The following ADAM9 variants were observed in gnomAD, a reference collection of about 807,000 sequenced individuals.
The protein encoded by ADAM9 is ADAM metallopeptidase domain 9.
Under a neutral mutation model 108.1 loss-of-function variants are expected in ADAM9, and 54 were observed. The observed-to-expected ratio is 0.50, with a 90% CI of 0.40 to 0.63. The LOEUF (loss-of-function observed/expected upper bound fraction) is 0.63, where lower values mean the gene tolerates loss of function less well. ADAM9 is among the 20% of genes least tolerant of loss of function. The pLI is 0.00. For missense variants in ADAM9, 830 were observed against 997.7 expected, an observed-to-expected ratio of 0.83 and a Z score of 2.26; for synonymous variants, 316 against 336.0, an observed-to-expected ratio of 0.94 and a Z score of 0.65.
chr8:39,018,609 T>C (rs888336314), intron 6 of ADAM9: 2 of 511,926 alleles, frequency 3.9e-6, no homozygotes, highest in African/African-American at 3.8e-5. Context: ...TTCAAAAACA[T>C]TTTTTTCCCC....
chr8:39,018,518 G>A (rs140458730), intron 6 of ADAM9: 15 of 284,518 alleles, frequency 5.3e-5, no homozygotes, highest in African/African-American at 3.3e-4. Context: ...TTAGAAAATT[G>A]GTAATTCTGC....
In ADAM9 at chr8:39,018,839, T is replaced by C; in HGVS notation, c.607-14T>C. The C allele has an allele frequency of 6.2e-7, 1 of 1,613,746 alleles. No homozygotes were observed. The highest frequency in any genetic ancestry group is 8.5e-7 in the Non-Finnish European group (1 of 1,179,656). ...AACTTCCTTTTGCCTTTATGATGTT[T>C]GTGTTTTTGACAGAGAAGAAGAGCT... On this transcript the variant is annotated splice_polypyrimidine_tract_variant and intron_variant, in intron 6 of 21. Transcript: ENST00000487273.
At chr8:39,028,890 A>G (rs1837010468) in intron 11 of ADAM9, among the ~76,000 whole-genome samples, 1 of 152,206 alleles carries the variant, frequency 6.6e-6, no homozygotes. Flanking sequence ...AGGCTTCAGT[A>G]TGACAAAACT....
chr8:39,055,425 T>C, intron 13 of ADAM9, 152 bp from the exon 14 acceptor site: 1 of 740,868 alleles, frequency 1.3e-6, no homozygotes. Context: ...ATGAATTACC[T>C]GTTGTTAGCC....
At chr8:39,035,773 T>C (rs930236451) in intron 11 of ADAM9, among the ~76,000 whole-genome samples, 2 of 152,076 alleles carry the variant, frequency 1.3e-5, no homozygotes, top group South Asian at 2.1e-4. Flanking sequence ...GCTGAGATCG[T>C]GCCACTGCAT....
At position 39,000,235 on chromosome 8, in the gene ADAM9, G is replaced by A. The variant is rs138395236; in HGVS notation, c.97+3075G>A. Among the ~76,000 whole-genome samples, 1,245 of 152,000 alleles carry A rather than the reference G, an allele frequency of 8.2e-3. 19 individuals are homozygous for A. The highest frequency in any genetic ancestry group is 0.029 in the African/African-American group (1,188 of 41,436). On this transcript the variant is annotated intron_variant, in intron 1 of 21. Transcript: ENST00000487273. Reference sequence around the variant, plus strand: ...TCTCGACCTCCTGACCTCGTGATCCGCCCACCTCAGCCTCCCAAAGCGCTG... The same window carrying A: ...TCTCGACCTCCTGACCTCGTGATCCACCCACCTCAGCCTCCCAAAGCGCTG...
At chr8:39,073,417 G>A (rs1005561807) in intron 15 of ADAM9, among the ~76,000 whole-genome samples, 1 of 152,122 alleles carries the variant, frequency 6.6e-6, no homozygotes, top group African/African-American at 2.4e-5. Context: ...TTTATCATTA[G>A]CAAATTCTTT....
intron 18 of ADAM9, 48 bp downstream of exon 18, chr8:39,083,121 C>A: frequency 6.8e-7 from 1 of 1,475,488 alleles, no homozygotes. Context: ...TGGCCCAAGG[C>A]ATAAATTGGG....
Position 39,042,052 on chromosome 8 carries a change from A to T in ADAM9, c.1237A>T (p.Ser413Cys). The T allele has an allele frequency of 6.2e-7, 1 of 1,614,154 alleles. No individual in the cohort carries two copies. Among genetic ancestry groups the T allele is most frequent in the Non-Finnish European group, 8.5e-7 (1 of 1,179,948 alleles). Reference sequence around the variant, plus strand: ...TATTCCAAAGCCTGATGAAGCCTATAGTGCTCCCTCCTGTGGTAATAAGTT... The same window carrying T: ...TATTCCAAAGCCTGATGAAGCCTATTGTGCTCCCTCCTGTGGTAATAAGTT... ...LNIPKPDEAY[S>C]APSCGNKLVD... is the part of the protein sequence containing the mutation. The change falls in exon 12 of 22, where the codon AGT (serine) becomes TGT (cysteine). Residue 413 changes from serine to cysteine, a missense_variant. Physicochemically the swap from Ser to Cys is moderately radical, Grantham distance 112 (BLOSUM62 -1). Transcript: ENST00000487273.
chr8:39,034,024 G>A (rs1347373603), intron 11 of ADAM9, among the ~76,000 whole-genome samples: 1 of 152,026 alleles, frequency 6.6e-6, no homozygotes, highest in African/African-American at 2.4e-5. Context: ...AAAATCTTCT[G>A]TGTTATTTCT....
At chr8:39,071,760 C>T (rs967115824) in intron 15 of ADAM9, among the ~76,000 whole-genome samples, 3 of 152,146 alleles carry the variant, frequency 2.0e-5, no homozygotes, top group Non-Finnish European at 4.4e-5. Context: ...CCACTGTGCC[C>T]GGCCGTCTCT....
At chr8:39,084,267 T>G (rs967193327) in intron 18 of ADAM9, among the ~76,000 whole-genome samples, 1 of 152,048 alleles carries the variant, frequency 6.6e-6, no homozygotes, top group South Asian at 2.1e-4. Context: ...ATATTTTCTC[T>G]TAGTCTGCTT....
At chr8:39,060,949 GT>G (rs1437189070) in intron 14 of ADAM9, among the ~76,000 whole-genome samples, 1 of 152,212 alleles carries the variant, frequency 6.6e-6, no homozygotes, top group African/African-American at 2.4e-5. Flanking sequence ...TAGGGGATGT[GT>G]TAATTTGCTC....
chr8:39,055,875 CTT>C (rs1365000211), intron 14 of ADAM9, 103 bp downstream of exon 14: 21 of 1,205,968 alleles, frequency 1.7e-5, no homozygotes, highest in East Asian at 7.7e-5. Flanking sequence ...TTGAGGCTCT[CTT>C]GTTTCTCATC....
At chr8:39,075,432 C>T (rs1838824924) in intron 15 of ADAM9, among the ~76,000 whole-genome samples, 2 of 152,130 alleles carry the variant, frequency 1.3e-5, no homozygotes, top group Admixed American at 6.5e-5. Flanking sequence ...TATCCAGTTC[C>T]TGACCAGTGT....
chr8:39,104,664 G>A lies in ADAM9; in HGVS notation c.*964G>A, dbSNP rs1165521238. On this transcript the variant is annotated 3_prime_UTR_variant, in exon 22 of 22. Coordinates refer to ENST00000487273, the MANE Select transcript of ADAM9 (RefSeq NM_003816.3). Reference sequence around the variant, plus strand: ...ATTTAGAATGTTTACATTTACTAAGGTGTGCTGGGTCATGTAAAATATTAG... The same window carrying A: ...ATTTAGAATGTTTACATTTACTAAGATGTGCTGGGTCATGTAAAATATTAG... 2.2e-6 allele frequency: 1 copy of A among 452,418 alleles called. No homozygotes were observed. Among genetic ancestry groups the A allele is most frequent in the Non-Finnish European group, 4.4e-6 (1 of 226,150 alleles). The allele number at this position is 452,418 out of a possible 1,614,324, so 28.0% of individuals were successfully genotyped here.
chr8:39,064,026 C>T (rs559794505), intron 14 of ADAM9, among the ~76,000 whole-genome samples: 1 of 152,216 alleles, frequency 6.6e-6, no homozygotes, highest in African/African-American at 2.4e-5. Flanking sequence ...AATCCCTGCG[C>T]TTATCATCTT....
intron 14 of ADAM9, among the ~76,000 whole-genome samples, chr8:39,065,117 C>T (rs1292502691): frequency 1.3e-5 from 2 of 150,668 alleles, no homozygotes; most frequent in Non-Finnish European, 3.0e-5. Flanking sequence ...TCCTGGATCA[C>T]ATATTATTTG....
rs968079296 is a variant in ADAM9, at chr8:39,019,048, G to GTTTT, written c.672+134_672+137dup. On this transcript the variant is annotated intron_variant, in intron 7 of 21. Coordinates refer to ENST00000487273, the MANE Select transcript of ADAM9 (RefSeq NM_003816.3). ...AAATAATGATTTTAAAACTAAAATG[G>GTTTT]TTTTTTTCCCTTAAACTTTATACCA... is the stretch of plus-strand genomic sequence containing the variant. The GTTTT allele has an allele frequency of 3.2e-6, 3 of 951,356 alleles. No individual in the cohort carries two copies. In the African/African-American group the frequency reaches 4.9e-5, roughly 16 times the overall value. The allele number at this position is 951,356 out of a possible 1,614,324, so 58.9% of individuals were successfully genotyped here. A position where few individuals can be genotyped will look rare whatever the true frequency, so the allele number is the denominator to read the frequency against.
Sources: gnomAD v4.1 joint callset for allele counts (sites outside exome capture counted in the v4.1 genomes callset) on GRCh38, gnomAD v4.1.1 for gene constraint, MANE v1.5 for transcripts, NCBI Gene and HGNC (gene_info 2026-07-23, HGNC 2026-07-21) for gene names.